Variants in NEK1 observed in about 807,000 individuals in gnomAD.
NEK1 encodes the protein NIMA related kinase 1.
In NEK1, 137 loss-of-function variants were observed where a neutral mutation model predicts 182.1. The observed-to-expected ratio is 0.75, with a 90% CI of 0.65 to 0.87. The LOEUF (loss-of-function observed/expected upper bound fraction) is 0.87, where lower values mean the gene tolerates loss of function less well. Among genes scored for constraint, NEK1 ranks in the 40% least tolerant of loss-of-function variants. NEK1 has a pLI of 0.00. For missense variants in NEK1, 1,391 were observed against 1,494.4 expected (o/e 0.93, Z 1.14); for synonymous variants, 513 against 492.2 (o/e 1.04, Z -0.56).
At chr4:169,571,190 AT>A (rs1362851340) in intron 12 of NEK1, among the ~76,000 whole-genome samples, 2 of 117,572 alleles carry the variant, frequency 1.7e-5, no homozygotes, top group African/African-American at 7.1e-5. Flanking sequence ...AAATAAATAA[AT>A]AAATAAATAA....
intron 5 of NEK1, among the ~76,000 whole-genome samples, chr4:169,598,378 T>C (rs1769917079): frequency 6.6e-6 from 1 of 151,614 alleles, no homozygotes; most frequent in Non-Finnish European, 1.5e-5. Flanking sequence ...GTGATAGGAA[T>C]GTAGAGAAGG....
chr4:169,526,430 A>G (rs1756913686), intron 19 of NEK1, among the ~76,000 whole-genome samples: 1 of 152,198 alleles, frequency 6.6e-6, no homozygotes, highest in South Asian at 2.1e-4. Flanking sequence ...GTGAGGCTGC[A>G]GTGAGCTACA....
intron 31 of NEK1, among the ~76,000 whole-genome samples, chr4:169,407,302 A>G (rs773279989): frequency 6.6e-6 from 1 of 152,208 alleles, no homozygotes. Context: ...ACCACCACAC[A>G]TAACTGACAG....
At chr4:169,416,925 G>C (rs1183832910) in intron 31 of NEK1, among the ~76,000 whole-genome samples, 2 of 152,206 alleles carry the variant, frequency 1.3e-5, no homozygotes, top group East Asian at 3.9e-4. Context: ...AAAAGATTAA[G>C]TGCATTCATG....
At chr4:169,428,829 T>G (rs1421929907) in intron 29 of NEK1, among the ~76,000 whole-genome samples, 2 of 152,224 alleles carry the variant, frequency 1.3e-5, no homozygotes, top group Non-Finnish European at 2.9e-5. Context: ...AGATTTTTCC[T>G]TTAAATTTAC....
At chr4:169,521,817 T>C (rs1293273541) in intron 19 of NEK1, among the ~76,000 whole-genome samples, 1 of 152,210 alleles carries the variant, frequency 6.6e-6, no homozygotes, top group African/African-American at 2.4e-5. Context: ...TGGTGTACTT[T>C]CATATGGAAT....
chr4:169,545,906 C>T lies in NEK1; in HGVS notation c.1563-7995G>A, dbSNP rs188661108. Among the ~76,000 whole-genome samples the T allele has an allele frequency of 1.6e-3, 240 of 152,130 alleles. 1 individual carries two copies. Among genetic ancestry groups the T allele is most frequent in the African/African-American group, 5.4e-3 (222 of 41,494 alleles). ...CACTTCAAGGAGAACTACAAACCAC[C>T]CAAGGAAATAAAAGAGGATACAAAC... On this transcript the variant is annotated intron_variant, in intron 18 of 35. Transcript: ENST00000507142.
chr4:169,596,160 C>T (rs542293340), intron 5 of NEK1, among the ~76,000 whole-genome samples: 35 of 152,032 alleles, frequency 2.3e-4, no homozygotes, highest in Non-Finnish European at 4.3e-4. Flanking sequence ...AGTTTCCTGA[C>T]GTTAGGATAG....
At chr4:169,468,804 G>A (rs551116876) in intron 26 of NEK1, among the ~76,000 whole-genome samples, 1 of 152,086 alleles carries the variant, frequency 6.6e-6, no homozygotes, top group South Asian at 2.1e-4. Flanking sequence ...ACTTGTTATT[G>A]GTCTATTTTC....
Position 169,544,213 on chromosome 4 carries a change from T to C in NEK1, c.1563-6302A>G, listed in dbSNP as rs187409397. Among the ~76,000 whole-genome samples, 444 of 152,342 alleles carry C rather than the reference T, an allele frequency of 2.9e-3. 3 individuals carry two copies. The highest frequency in any genetic ancestry group is 0.01 in the African/African-American group (423 of 41,578). ...TTTTGTCAAAGGCCTTTTCTGCATC[T>C]ATTGAGATAATCATGGGGTTTTTGT... On this transcript the variant is annotated intron_variant, in intron 18 of 35. Coordinates refer to ENST00000507142, the MANE Select transcript of NEK1 (RefSeq NM_001199397.3).
intron 31 of NEK1, among the ~76,000 whole-genome samples, chr4:169,417,154 A>G (rs1179325536): frequency 6.6e-6 from 1 of 152,214 alleles, no homozygotes; most frequent in Admixed American, 6.5e-5. Flanking sequence ...GTCACAGTTG[A>G]AAAGAACAAA....
intron 23 of NEK1, 59 bp downstream of exon 23, chr4:169,506,978 C>A (rs985322318): frequency 1.3e-5 from 15 of 1,134,742 alleles, no homozygotes; most frequent in Admixed American, 4.5e-5. Flanking sequence ...ATGTACTACC[C>A]AGGAAGAGCT....
intron 19 of NEK1, 83 bp downstream of exon 19, chr4:169,537,726 T>C: frequency 1.9e-6 from 2 of 1,044,248 alleles, no homozygotes. Flanking sequence ...ACTGTCATTC[T>C]TTTTACTTAC....
chr4:169,409,641 G>A (rs529043314), intron 31 of NEK1, among the ~76,000 whole-genome samples: 38 of 152,156 alleles, frequency 2.5e-4, no homozygotes, highest in African/African-American at 7.9e-4. Flanking sequence ...GGTGGCATGC[G>A]CCTGTAATCC....
chr4:169,468,738 T>G (rs965424551), intron 26 of NEK1, among the ~76,000 whole-genome samples: 3 of 152,194 alleles, frequency 2.0e-5, no homozygotes, highest in Non-Finnish European at 4.4e-5. Flanking sequence ...TGTGAATCTG[T>G]CTGGTCCTGG....
At chr4:169,437,867 A>G (rs1406160088) in intron 28 of NEK1, among the ~76,000 whole-genome samples, 2 of 152,198 alleles carry the variant, frequency 1.3e-5, no homozygotes, top group Non-Finnish European at 1.5e-5. Context: ...ACATAAAATC[A>G]TGGTATGAAA....
intron 5 of NEK1, among the ~76,000 whole-genome samples, chr4:169,592,139 T>C (rs1481889375): frequency 6.6e-6 from 1 of 152,198 alleles, no homozygotes; most frequent in Non-Finnish European, 1.5e-5. Context: ...TCACAGGTGT[T>C]TGTGAAAAGG....
At chr4:169,570,024 C>T (rs1764439523) in intron 12 of NEK1, among the ~76,000 whole-genome samples, 1 of 144,072 alleles carries the variant, frequency 6.9e-6, no homozygotes. Context: ...TCTGCCCGGC[C>T]GCCATCCCAT....
At chr4:169,593,530 G>C (rs1291243159) in intron 5 of NEK1, among the ~76,000 whole-genome samples, 1 of 152,188 alleles carries the variant, frequency 6.6e-6, no homozygotes, top group Non-Finnish European at 1.5e-5. Flanking sequence ...GGTGATTTCT[G>C]AGCTCAGTTT....
Sources: gnomAD v4.1 joint callset for allele counts (sites outside exome capture counted in the v4.1 genomes callset) on GRCh38, gnomAD v4.1.1 for gene constraint, MANE v1.5 for transcripts, NCBI Gene and HGNC (gene_info 2026-07-23, HGNC 2026-07-21) for gene names.